The following DDX10 variants were observed in gnomAD, a reference collection of about 807,000 sequenced individuals.
DDX10 encodes the protein probable ATP-dependent RNA helicase DDX10.
In DDX10, 74 loss-of-function variants were observed where a neutral mutation model predicts 104.3. That is an observed-to-expected ratio of 0.71 (90% confidence interval 0.59 to 0.86). The LOEUF (loss-of-function observed/expected upper bound fraction) is 0.86. Among genes scored for constraint, DDX10 ranks in the 40% least tolerant of loss-of-function variants. The pLI, the probability that DDX10 is intolerant of heterozygous loss-of-function variation, is 0.00. For synonymous variants in DDX10, 351 were observed against 353.4 expected, an observed-to-expected ratio of 0.99 and a Z score of 0.08; for missense variants, 952 against 1,040.0, an observed-to-expected ratio of 0.92 and a Z score of 1.16.
chr11:108,938,628 G>A (rs1334858164), intron 17 of DDX10, among the ~76,000 whole-genome samples: 1 of 152,100 alleles, frequency 6.6e-6, no homozygotes, highest in Non-Finnish European at 1.5e-5. Context: ...TTTGCTGACT[G>A]AATTTGTATC....
intron 16 of DDX10, among the ~76,000 whole-genome samples, chr11:108,870,082 G>T (rs1863059829): frequency 6.6e-6 from 1 of 152,058 alleles, no homozygotes. Context: ...TCTGCGTAAG[G>T]GGTATATGGG....
At chr11:108,759,986 C>G (rs1338416887) in intron 13 of DDX10, among the ~76,000 whole-genome samples, 2 of 150,448 alleles carry the variant, frequency 1.3e-5, no homozygotes, top group Admixed American at 1.3e-4. Flanking sequence ...TCAGAAATTG[C>G]CTGCATTGAT....
intron 15 of DDX10, among the ~76,000 whole-genome samples, chr11:108,844,494 CAT>C (rs1429180359): frequency 1.3e-5 from 2 of 152,170 alleles, no homozygotes; most frequent in Non-Finnish European, 2.9e-5. Flanking sequence ...ACCAAGCTGT[CAT>C]AGAGTGGATT....
chr11:108,940,443 T>G lies in DDX10; in HGVS notation c.*20T>G. 6.2e-7 allele frequency: 1 copy of G among 1,608,196 alleles called. No homozygotes were observed. ...AGCTAAATACTTCCTGCGCCTGCCT[T>G]CTCCTTGAAACCTTGGTTATGACTG... On this transcript the variant is annotated 3_prime_UTR_variant, in exon 18 of 18. Transcript: ENST00000322536.
intron 10 of DDX10, among the ~76,000 whole-genome samples, chr11:108,709,114 C>T (rs1329182967): frequency 6.6e-6 from 1 of 152,146 alleles, no homozygotes; most frequent in Non-Finnish European, 1.5e-5. Flanking sequence ...ATTAGGACTT[C>T]TAGAATGATG....
chr11:108,923,941 A>C (rs1163510486), intron 17 of DDX10, among the ~76,000 whole-genome samples: 3 of 151,600 alleles, frequency 2.0e-5, no homozygotes, highest in Non-Finnish European at 4.4e-5. Flanking sequence ...TTCCGTTTAA[A>C]CTCTTCTTTC....
intron 9 of DDX10, among the ~76,000 whole-genome samples, chr11:108,701,044 G>A (rs924066060): frequency 1.4e-4 from 21 of 151,948 alleles, no homozygotes; most frequent in Admixed American, 1.4e-3. Context: ...TGTCACTGTT[G>A]GGCCTGACAT....
At chr11:108,734,474 T>G (rs939155519) in intron 13 of DDX10, among the ~76,000 whole-genome samples, 1 of 152,054 alleles carries the variant, frequency 6.6e-6, no homozygotes, top group Non-Finnish European at 1.5e-5. Flanking sequence ...GCTTTATGTA[T>G]TTTTTTTCCT....
intron 16 of DDX10, among the ~76,000 whole-genome samples, chr11:108,853,569 A>G (rs1862824362): frequency 1.3e-5 from 2 of 152,014 alleles, no homozygotes; most frequent in South Asian, 4.2e-4. Context: ...TTAAGCTGTA[A>G]GAAGTTGCTA....
At chr11:108,781,580 A>G (rs181851614) in intron 13 of DDX10, among the ~76,000 whole-genome samples, 15 of 152,298 alleles carry the variant, frequency 9.8e-5, no homozygotes, top group African/African-American at 3.6e-4. Context: ...CTTACCACAG[A>G]AGGTAAAAAG....
At chr11:108,760,775 G>T (rs899745908) in intron 13 of DDX10, among the ~76,000 whole-genome samples, 1 of 150,876 alleles carries the variant, frequency 6.6e-6, no homozygotes, top group African/African-American at 2.4e-5. Context: ...TGAGTGACCT[G>T]TTGAAGTAAA....
At chr11:108,729,460 C>T (rs1380355640) in intron 13 of DDX10, among the ~76,000 whole-genome samples, 1 of 152,158 alleles carries the variant, frequency 6.6e-6, no homozygotes, top group Non-Finnish European at 1.5e-5. Flanking sequence ...GGCATCGTCT[C>T]ACAAGTGCCT....
chr11:108,845,392 G>A (rs547070224), intron 15 of DDX10, among the ~76,000 whole-genome samples: 1 of 152,032 alleles, frequency 6.6e-6, no homozygotes, highest in African/African-American at 2.4e-5. Flanking sequence ...TCCTAACTGA[G>A]TATACTACTA....
intron 13 of DDX10, among the ~76,000 whole-genome samples, chr11:108,820,377 G>T (rs189274644): frequency 1.7e-4 from 26 of 152,320 alleles, no homozygotes; most frequent in Admixed American, 7.2e-4. Flanking sequence ...GCCAGGATCA[G>T]GTAGGGGAAG....
At chr11:108,792,081 T>C (rs117379239) in intron 13 of DDX10, among the ~76,000 whole-genome samples, 2,123 of 152,320 alleles carry the variant, frequency 0.014, 26 homozygotes, top group Admixed American at 0.024. Context: ...TATATCATTT[T>C]TGAAGTTTCT....
intron 16 of DDX10, among the ~76,000 whole-genome samples, chr11:108,897,780 C>T (rs572510098): frequency 6.6e-6 from 1 of 151,988 alleles, no homozygotes; most frequent in East Asian, 1.9e-4. Flanking sequence ...AATAAGGCAA[C>T]TGCTGATAAT....
intron 12 of DDX10, 150 bp from the exon 13 acceptor site, chr11:108,722,847 A>G: frequency 7.9e-7 from 1 of 1,263,338 alleles, no homozygotes; most frequent in Non-Finnish European, 1.1e-6. Context: ...TTTTTGGATC[A>G]ACTAACCTGT....
chr11:108,673,914 A>T (rs932885342), intron 2 of DDX10, among the ~76,000 whole-genome samples: 5 of 152,142 alleles, frequency 3.3e-5, no homozygotes, highest in African/African-American at 4.8e-5. Flanking sequence ...TGGGATCAAG[A>T]TGTTGGTGGC....
intron 16 of DDX10, among the ~76,000 whole-genome samples, chr11:108,910,781 G>GTGTGTGTGTGTGTC (rs1863663898): frequency 1.5e-5 from 2 of 130,608 alleles, no homozygotes; most frequent in Admixed American, 7.5e-5. Context: ...GTGTGTGTGT[G>GTGTGTGTGTGTGTC]TGTGTGTGTC....
Sources: allele counts gnomAD v4.1 joint callset (sites outside exome capture counted in the v4.1 genomes callset), GRCh38; gene constraint gnomAD v4.1.1; transcripts MANE v1.5; gene names NCBI Gene and HGNC (gene_info 2026-07-23, HGNC 2026-07-21).